TMEFF2: variants seen among roughly 807,000 people sequenced by gnomAD.
TMEFF2 encodes the protein transmembrane protein with EGF like and two follistatin like domains 2.
In TMEFF2, 28 loss-of-function variants were observed where a neutral mutation model predicts 53.8. That is an observed-to-expected ratio of 0.52 (90% CI 0.39 to 0.71). The LOEUF (loss-of-function observed/expected upper bound fraction) is 0.71. TMEFF2 is among the 30% of genes least tolerant of loss of function. TMEFF2 has a pLI of 0.00. For missense variants in TMEFF2, 353 were observed against 455.2 expected, an observed-to-expected ratio of 0.78 and a Z score of 2.04; for synonymous variants, 162 against 166.3, an observed-to-expected ratio of 0.97 and a Z score of 0.20.
rs567230336 is a variant in TMEFF2 at position 192,181,028 on chromosome 2, TA to T, written c.413-1335del. 2.6e-4 allele frequency among the ~76,000 whole-genome samples: 39 copies of T among 151,940 alleles called. No individual in the cohort carries two copies. In the South Asian group the frequency reaches 8.1e-3, roughly 31 times the overall value. On this transcript the variant is annotated intron_variant, in intron 3 of 9. Coordinates refer to ENST00000272771, the MANE Select transcript of TMEFF2 (RefSeq NM_016192.4). Reference sequence around the variant, plus strand: ...AGTTAATTGGTAAAATAATTTATGATAAAAATTATTCTTAGTAAATGTAGAA... The same window carrying T: ...AGTTAATTGGTAAAATAATTTATGATAAAATTATTCTTAGTAAATGTAGAA...
chr2:191,959,157 A>G (rs1692193815), intron 7 of TMEFF2, among the ~76,000 whole-genome samples: 1 of 152,148 alleles, frequency 6.6e-6, no homozygotes, highest in Admixed American at 6.5e-5. Context: ...TTAGACATTG[A>G]TTTCTCTGTC....
At chr2:192,159,935 C>CT (rs2106010043) in intron 4 of TMEFF2, among the ~76,000 whole-genome samples, 1 of 152,248 alleles carries the variant, frequency 6.6e-6, no homozygotes, top group South Asian at 2.1e-4. Context: ...GAGACAAGGG[C>CT]TAATGAGAAG....
intron 1 of TMEFF2, among the ~76,000 whole-genome samples, chr2:192,193,892 C>T (rs1015123399): frequency 6.6e-6 from 1 of 152,054 alleles, no homozygotes; most frequent in African/African-American, 2.4e-5. Flanking sequence ...GCACCTTTGC[C>T]AGGAATCAGC....
At chr2:192,148,536 C>T (rs1263332577) in intron 4 of TMEFF2, among the ~76,000 whole-genome samples, 6 of 151,966 alleles carry the variant, frequency 3.9e-5, no homozygotes, top group Non-Finnish European at 4.4e-5. Context: ...AACTCCTTGG[C>T]CTAAGTAGGG....
intron 4 of TMEFF2, among the ~76,000 whole-genome samples, chr2:192,061,727 G>A (rs1389567439): frequency 6.6e-6 from 1 of 152,112 alleles, no homozygotes; most frequent in South Asian, 2.1e-4. Context: ...GCATCATGGG[G>A]GTGGATCCCT....
chr2:191,959,299 G>C (rs980901867), intron 7 of TMEFF2, among the ~76,000 whole-genome samples: 1 of 152,158 alleles, frequency 6.6e-6, no homozygotes, highest in East Asian at 1.9e-4. Context: ...TTTACAAATG[G>C]TTTGTTCTAG....
chr2:192,046,157 G>C (rs1687615591), intron 5 of TMEFF2, among the ~76,000 whole-genome samples: 1 of 152,114 alleles, frequency 6.6e-6, no homozygotes, highest in African/African-American at 2.4e-5. Flanking sequence ...CTGAGGTCAG[G>C]AGTTCGAGAC....
At chr2:191,968,227 T>C (rs10184037) in intron 7 of TMEFF2, among the ~76,000 whole-genome samples, 2,890 of 152,290 alleles carry the variant, frequency 0.019, 87 homozygotes, top group African/African-American at 0.066. Flanking sequence ...TGCTTCAATT[T>C]ACAGATGAGA....
intron 5 of TMEFF2, chr2:192,034,690 A>G (rs1045872746): frequency 6.6e-6 from 1 of 152,130 alleles, no homozygotes; most frequent in Admixed American, 6.5e-5. Context: ...ATCCTTTGTC[A>G]TAGGCATTGT....
intron 4 of TMEFF2, among the ~76,000 whole-genome samples, chr2:192,139,697 T>C (rs531752431): frequency 2.0e-5 from 3 of 152,184 alleles, no homozygotes; most frequent in African/African-American, 4.8e-5. Flanking sequence ...GAACTTCTAG[T>C]AAGTGGTGAG....
chr2:192,078,316 T>C (rs1046030680), intron 4 of TMEFF2, among the ~76,000 whole-genome samples: 2 of 152,188 alleles, frequency 1.3e-5, no homozygotes, highest in African/African-American at 4.8e-5. Flanking sequence ...TCTTGACATA[T>C]GTCAATAAAT....
chr2:192,131,112 A>G (rs377536431), intron 4 of TMEFF2, among the ~76,000 whole-genome samples: 784 of 6,726 alleles, frequency 0.12, 8 homozygotes, highest in Middle Eastern at 0.17. Context: ...CTTTTCTGGG[A>G]AAAGGGCAAG....
intron 4 of TMEFF2, among the ~76,000 whole-genome samples, chr2:192,063,818 C>A (rs1688105618): frequency 6.6e-6 from 1 of 151,734 alleles, no homozygotes. Flanking sequence ...ATTAAAATCT[C>A]TGCTAGCACT....
At chr2:192,021,382 AAAAATGAGAAGATATAG>A (rs1424843968) in intron 5 of TMEFF2, among the ~76,000 whole-genome samples, 14 of 152,190 alleles carry the variant, frequency 9.2e-5, no homozygotes, top group Admixed American at 2.0e-4. Context: ...AAAAAGTAAG[AAAAATGAGAAGATATAG>A]AAAATGAGAA....
intron 4 of TMEFF2, among the ~76,000 whole-genome samples, chr2:192,123,565 A>AT (rs1347351984): frequency 6.6e-6 from 1 of 152,186 alleles, no homozygotes; most frequent in Non-Finnish European, 1.5e-5. Context: ...GTTGCATTAT[A>AT]TTTACTATTA....
Position 192,194,725 on chromosome 2 carries a change from C to G in TMEFF2, c.-201G>C, listed in dbSNP as rs928371917. 9.9e-6 allele frequency: 6 copies of G among 605,622 alleles called. No homozygotes were observed. The highest frequency in any genetic ancestry group is 1.7e-5 in the Non-Finnish European group (6 of 345,560). 37.5% of individuals were successfully genotyped at this position (605,622 alleles called of 1,614,324 possible). ...GCAACATCCAGGGACTGGGCTCAGC[C>G]CCGGAGCGAGAGGGTCGTCCGCTGA... is the stretch of plus-strand genomic sequence containing the variant. On this transcript the variant is annotated 5_prime_UTR_variant, in exon 1 of 10. Coordinates refer to ENST00000272771, the MANE Select transcript of TMEFF2 (RefSeq NM_016192.4). The surrounding 1 kb of genome is among the most constrained non-coding windows in gnomAD (Gnocchi z 4.2).
At position 191,950,149 on chromosome 2, in the gene TMEFF2, C is replaced by A; in HGVS notation, c.*162G>T. 1 of 1,417,160 alleles carries A rather than the reference C, an allele frequency of 7.1e-7. No homozygotes were observed. The highest frequency in any genetic ancestry group is 1.6e-5 in the South Asian group (1 of 61,082). 87.8% of individuals were successfully genotyped at this position (1,417,160 alleles called of 1,614,324 possible). A position where few individuals can be genotyped will look rare whatever the true frequency, so the allele number is the denominator to read the frequency against. On this transcript the variant is annotated 3_prime_UTR_variant, in exon 10 of 10. Coordinates refer to ENST00000272771, the MANE Select transcript of TMEFF2 (RefSeq NM_016192.4). The stretch of plus-strand genomic sequence containing the variant: ...ACAATGTATACTATTTCAAATATAT[C>A]CATACATAATCAAATATAGCTGTAG...
intron 4 of TMEFF2, among the ~76,000 whole-genome samples, chr2:192,173,253 T>A (rs1198280053): frequency 6.6e-6 from 1 of 151,862 alleles, no homozygotes; most frequent in African/African-American, 2.4e-5. Context: ...TATATGTACT[T>A]ACAAATATGT....
At chr2:192,165,239 A>T (rs1254476624) in intron 4 of TMEFF2, among the ~76,000 whole-genome samples, 1 of 152,164 alleles carries the variant, frequency 6.6e-6, no homozygotes, top group African/African-American at 2.4e-5. Context: ...GACAGTGGAG[A>T]AAAGGGAAAC....
Sources: gnomAD v4.1 joint callset for allele counts (sites outside exome capture counted in the v4.1 genomes callset) on GRCh38, gnomAD v4.1.1 for gene constraint, Gnocchi (gnomAD v3.1) non-coding constraint, MANE v1.5 for transcripts, NCBI Gene and HGNC (gene_info 2026-07-23, HGNC 2026-07-21) for gene names.